ITGA9: variants seen among roughly 807,000 people sequenced by gnomAD.
ITGA9 encodes the protein integrin alpha-9.
A neutral mutation model predicts 127.8 loss-of-function variants in ITGA9; 56 were observed. The observed-to-expected ratio is 0.44, with a 90% CI of 0.35 to 0.55. The LOEUF is 0.55. Ranked by LOEUF, ITGA9 falls within the 20% of genes least tolerant of loss-of-function variation. The probability of loss-of-function intolerance (pLI) is 0.00; values close to 1 mark genes in which losing one functional copy is unlikely to be tolerated. For synonymous variants in ITGA9, 508 were observed against 514.5 expected (o/e 0.99, Z 0.17); for missense variants, 1,196 against 1,347.1 (o/e 0.89, Z 1.76).
Position 37,597,409 on chromosome 3 carries a change from G to A in ITGA9, c.1690-31778G>A, listed in dbSNP as rs145742610. 6.6e-6 allele frequency among the ~76,000 whole-genome samples: 1 copy of A among 152,152 alleles called. No homozygotes were observed. Among genetic ancestry groups the A allele is most frequent in the African/African-American group, 2.4e-5 (1 of 41,512 alleles). On this transcript the variant is annotated intron_variant, in intron 15 of 27. Transcript: ENST00000264741. The surrounding 1 kb of genome is among the most constrained non-coding windows in gnomAD (Gnocchi z 4.6). ...CAGATATGAAACGATAAATGTGGAG[G>A]CAGGGAGACCAGGTAAGAAGTCTGC...
intron 15 of ITGA9, among the ~76,000 whole-genome samples, chr3:37,600,861 A>C (rs1415606017): frequency 6.6e-6 from 1 of 152,262 alleles, no homozygotes; most frequent in Admixed American, 6.5e-5. Flanking sequence ...ACATATACAC[A>C]TTCCCACATG....
intron 15 of ITGA9, among the ~76,000 whole-genome samples, chr3:37,574,058 A>G (rs1023237611): frequency 2.0e-5 from 3 of 152,172 alleles, no homozygotes; most frequent in Non-Finnish European, 4.4e-5. Context: ...GTACTATCTA[A>G]AAAGGGAAAA....
Position 37,799,751 on chromosome 3 carries a change from A to G in ITGA9, c.2890-4072A>G, listed in dbSNP as rs1400598378. Reference sequence around the variant, plus strand: ...AATAGTGCTGGTGAGAGAAGACGAGATGTGAGCCAGGAGGTACCTGGGATG... The same window carrying G: ...AATAGTGCTGGTGAGAGAAGACGAGGTGTGAGCCAGGAGGTACCTGGGATG... On this transcript the variant is annotated intron_variant, in intron 26 of 27. Transcript: ENST00000264741. This position sits in a 1 kb window ranked among gnomAD's most constrained non-coding sequence, Gnocchi z 4.0. 1.3e-5 allele frequency among the ~76,000 whole-genome samples: 2 copies of G among 152,062 alleles called. No homozygotes were observed. Among genetic ancestry groups the G allele is most frequent in the African/African-American group, 4.8e-5 (2 of 41,398 alleles).
chr3:37,777,618 C>G lies in ITGA9; in HGVS notation c.2667+101C>G, dbSNP rs753754482. On this transcript the variant is annotated intron_variant, in intron 24 of 27. Coordinates refer to ENST00000264741, the MANE Select transcript of ITGA9 (RefSeq NM_002207.3). ...ATTATTTCCTAAATCTGGTTTTAATCAATTTGACTTACAAAGGCACAGACT... is the reference window on the plus strand; with the variant it reads ...ATTATTTCCTAAATCTGGTTTTAATGAATTTGACTTACAAAGGCACAGACT... 1.4e-5 allele frequency: 19 copies of G among 1,362,232 alleles called. No individual in the cohort carries two copies. In the African/African-American group the frequency reaches 2.7e-4, roughly 20 times the overall value. 84.4% of individuals were successfully genotyped at this position (1,362,232 alleles called of 1,614,324 possible).
intron 15 of ITGA9, chr3:37,585,489 GT>G: frequency 2.2e-6 from 1 of 446,288 alleles, no homozygotes; most frequent in South Asian, 1.6e-5. Context: ...AATAAATAAG[GT>G]TTTACTTTTC....
At chr3:37,517,779 G>A (rs906992103) in intron 10 of ITGA9, among the ~76,000 whole-genome samples, 170 bp downstream of exon 10, 1 of 152,200 alleles carries the variant, frequency 6.6e-6, no homozygotes, top group Non-Finnish European at 1.5e-5. Flanking sequence ...ACGTTTAGAG[G>A]TGCTCTCCCT....
intron 23 of ITGA9, among the ~76,000 whole-genome samples, chr3:37,771,972 G>A (rs1255018914): frequency 6.6e-6 from 1 of 152,144 alleles, no homozygotes; most frequent in Non-Finnish European, 1.5e-5. Context: ...CACCTAAGAG[G>A]TAGTGCAGGA....
intron 4 of ITGA9, among the ~76,000 whole-genome samples, chr3:37,490,086 A>C (rs1057022797): frequency 2.6e-5 from 4 of 152,222 alleles, no homozygotes; most frequent in African/African-American, 9.6e-5. Context: ...TTTGGTGGGA[A>C]GGGTGGTTAC....
rs534077867 is a variant in ITGA9, at chr3:37,627,426, G to A, written c.1690-1761G>A. ...TTCCAGTCTGCCCTCCAGTGTCTCT[G>A]CATGCATTCTACTCACCTCCTCTCC... On this transcript the variant is annotated intron_variant, in intron 15 of 27. Coordinates refer to ENST00000264741, the MANE Select transcript of ITGA9 (RefSeq NM_002207.3). Among the ~76,000 whole-genome samples, 117 of 152,190 alleles carry A rather than the reference G, an allele frequency of 7.7e-4. 2 individuals carry two copies. The highest frequency in any genetic ancestry group is 2.8e-3 in the African/African-American group (115 of 41,512).
At chr3:37,803,278 G>T (rs902055128) in intron 26 of ITGA9, among the ~76,000 whole-genome samples, 1 of 152,118 alleles carries the variant, frequency 6.6e-6, no homozygotes, top group African/African-American at 2.4e-5. Flanking sequence ...TTAAATCAGG[G>T]TTGTTGTCAT....
chr3:37,712,059 TC>T (rs1223854326), intron 18 of ITGA9, among the ~76,000 whole-genome samples: 1 of 151,758 alleles, frequency 6.6e-6, no homozygotes, highest in Non-Finnish European at 1.5e-5. Flanking sequence ...TATTTACTTT[TC>T]TGGATTTATT....
At position 37,657,171 on chromosome 3, in the gene ITGA9, G is replaced by T. The variant is rs146865525; in HGVS notation, c.1916+3381G>T. 4.6e-5 allele frequency among the ~76,000 whole-genome samples: 7 copies of T among 152,224 alleles called. No individual in the cohort carries two copies. The East Asian group carries it at 1.4e-3, about 29-fold the overall frequency. On this transcript the variant is annotated intron_variant, in intron 17 of 27. Transcript: ENST00000264741. ...AATTTTCCTTTTTCGTTGTGTCTCT[G>T]CCAGGTTTTGGTATCAGATGATGCT...
chr3:37,621,764 TTATA>T (rs1240512397), intron 15 of ITGA9, among the ~76,000 whole-genome samples: 2 of 152,202 alleles, frequency 1.3e-5, no homozygotes, highest in African/African-American at 2.4e-5. Flanking sequence ...TGCCAAAGGG[TTATA>T]CATTTCAGAC....
chr3:37,576,341 AAG>A (rs1699653946), intron 15 of ITGA9, among the ~76,000 whole-genome samples: 1 of 152,202 alleles, frequency 6.6e-6, no homozygotes, highest in African/African-American at 2.4e-5. Flanking sequence ...CCTGTGAATG[AAG>A]AGTCTTGATA....
chr3:37,780,588 T>C (rs914075538), intron 25 of ITGA9, among the ~76,000 whole-genome samples: 2 of 152,174 alleles, frequency 1.3e-5, no homozygotes, highest in African/African-American at 4.8e-5. Context: ...TCATGGACAC[T>C]TAAGTTGATT....
At chr3:37,762,923 A>G (rs1294981922) in intron 23 of ITGA9, among the ~76,000 whole-genome samples, 1 of 152,152 alleles carries the variant, frequency 6.6e-6, no homozygotes, top group African/African-American at 2.4e-5. Context: ...GTCTGTTCAT[A>G]TTTAAGAAGC....
intron 23 of ITGA9, among the ~76,000 whole-genome samples, chr3:37,758,210 A>G (rs368868911): frequency 2.7e-5 from 4 of 148,224 alleles, no homozygotes; most frequent in Non-Finnish European, 5.9e-5. Context: ...GTAGTCCCAG[A>G]TACTCGGGAG....
At chr3:37,689,266 T>A (rs1181124401) in intron 18 of ITGA9, among the ~76,000 whole-genome samples, 1 of 152,258 alleles carries the variant, frequency 6.6e-6, no homozygotes, top group Non-Finnish European at 1.5e-5. Context: ...AGATTTATTC[T>A]GGATTATTTT....
chr3:37,779,854 G>A, intron 24 of ITGA9, 48 bp from the exon 25 acceptor site: 1 of 1,604,740 alleles, frequency 6.2e-7, no homozygotes, highest in South Asian at 1.1e-5. Context: ...TTGTGGATTT[G>A]TCTTTGTTCT....
Sources: gnomAD v4.1 joint callset for allele counts (sites outside exome capture counted in the v4.1 genomes callset) on GRCh38, gnomAD v4.1.1 for gene constraint, Gnocchi (gnomAD v3.1) non-coding constraint, MANE v1.5 for transcripts, NCBI Gene and HGNC (gene_info 2026-07-23, HGNC 2026-07-21) for gene names.